RBFOX1: variants seen among roughly 807,000 people sequenced by gnomAD.
RBFOX1 encodes the protein RNA binding fox-1 homolog 1, also known as RNA binding protein fox-1 homolog 1.
RBFOX1 carries 8 observed loss-of-function variants against 57.7 expected under a neutral mutation model. That is an observed-to-expected ratio of 0.14 (90% CI 0.08 to 0.25). The LOEUF (loss-of-function observed/expected upper bound fraction) is 0.25. Among genes scored for constraint, RBFOX1 ranks in the 10% least tolerant of loss-of-function variants. The pLI, the probability that RBFOX1 is intolerant of heterozygous loss-of-function variation, is 1.00. For missense variants in RBFOX1, 611 were observed against 548.5 expected (o/e 1.11, Z -1.14); for synonymous variants, 326 against 222.4 (o/e 1.47, Z -4.15).
At chr16:5,873,838 G>A (rs1240592462) in intron 4 of RBFOX1, among the ~76,000 whole-genome samples, 3 of 152,142 alleles carry the variant, frequency 2.0e-5, no homozygotes, top group Admixed American at 2.0e-4. Flanking sequence ...CTCAGAGGAG[G>A]TAGTATGCAG....
In RBFOX1 at chr16:7,710,863, AAT is replaced by A; in HGVS notation, c.*120_*121del. The A allele has an allele frequency of 2.9e-6, 3 of 1,035,966 alleles. No individual in the cohort carries two copies. The highest frequency in any genetic ancestry group is 3.8e-6 in the Non-Finnish European group (3 of 787,520). 64.2% of individuals were successfully genotyped at this position (1,035,966 alleles called of 1,614,324 possible). A position where few individuals can be genotyped will look rare whatever the true frequency, so the allele number is the denominator to read the frequency against. ...CAACTCTAAAAAAAAAAAAAATACA[AAT>A]AAAAAGGAAAAAAAATTACATTTTT... is the stretch of plus-strand genomic sequence containing the variant. On this transcript the variant is annotated 3_prime_UTR_variant, in exon 16 of 16. Transcript: ENST00000550418.
chr16:7,682,654 C>T (rs1252122454), intron 14 of RBFOX1, among the ~76,000 whole-genome samples: 6 of 150,922 alleles, frequency 4.0e-5, no homozygotes, highest in Non-Finnish European at 1.5e-5. Context: ...AAGAATGTAG[C>T]AGAAATGAGT....
intron 3 of RBFOX1, among the ~76,000 whole-genome samples, chr16:6,856,910 A>T (rs928365757): frequency 3.9e-5 from 6 of 152,122 alleles, no homozygotes; most frequent in African/African-American, 1.4e-4. Flanking sequence ...AAGGGAAAAG[A>T]AAGAAAGAGA....
intron 3 of RBFOX1, among the ~76,000 whole-genome samples, chr16:6,739,760 T>C (rs2071486942): frequency 1.3e-5 from 2 of 151,886 alleles, no homozygotes; most frequent in Admixed American, 1.3e-4. Context: ...GCCTGTAGTC[T>C]CGGCTCCTCG....
intron 5 of RBFOX1, among the ~76,000 whole-genome samples, chr16:7,540,610 G>A (rs773119566): frequency 3.3e-5 from 5 of 152,208 alleles, no homozygotes; most frequent in Admixed American, 6.5e-5. Flanking sequence ...CTCTATGGTT[G>A]TTGTCATGGA....
At chr16:6,180,070 A>G (rs2097050494) in intron 1 of RBFOX1, among the ~76,000 whole-genome samples, 3 of 152,140 alleles carry the variant, frequency 2.0e-5, no homozygotes, top group South Asian at 2.1e-4. Flanking sequence ...TTGCATCTAT[A>G]TTTATAAAAT....
intron 5 of RBFOX1, among the ~76,000 whole-genome samples, chr16:7,550,909 C>T (rs553897899): frequency 3.9e-5 from 6 of 152,030 alleles, no homozygotes; most frequent in Middle Eastern, 3.4e-3. Context: ...GCCTGGCCAA[C>T]ATGGTGAAAC....
intron 4 of RBFOX1, among the ~76,000 whole-genome samples, chr16:7,337,415 G>A (rs73563873): frequency 0.032 from 4,927 of 152,272 alleles, 212 homozygotes; most frequent in African/African-American, 0.099. Context: ...GACTTGTTTA[G>A]TAGAGCAGAG....
intron 5 of RBFOX1, among the ~76,000 whole-genome samples, chr16:7,567,858 T>TATATATACCTATATATATCCCC: frequency 7.3e-6 from 1 of 137,862 alleles, no homozygotes; most frequent in African/African-American, 2.7e-5. Flanking sequence ...TATATATCCA[T>TATATATACCTATATATATCCCC]ATATATACCT....
intron 3 of RBFOX1, among the ~76,000 whole-genome samples, chr16:6,815,526 C>T (rs1220916302): frequency 2.6e-5 from 4 of 152,166 alleles, no homozygotes; most frequent in Admixed American, 2.6e-4. Context: ...ACTCCAGCAT[C>T]CCCTACGCCA....
intron 1 of RBFOX1, among the ~76,000 whole-genome samples, chr16:6,240,861 C>T (rs567250949): frequency 6.6e-6 from 1 of 152,060 alleles, no homozygotes; most frequent in African/African-American, 2.4e-5. Flanking sequence ...GCAGTTTTCC[C>T]TTTTTCAATT....
At chr16:5,301,368 C>G (rs1025015322) in intron 1 of RBFOX1, among the ~76,000 whole-genome samples, 4 of 152,072 alleles carry the variant, frequency 2.6e-5, no homozygotes, top group Non-Finnish European at 4.4e-5. Flanking sequence ...GCCTGTAATA[C>G]CAGCCCTTTG....
At chr16:5,935,040 C>T (rs751948876) in intron 4 of RBFOX1, among the ~76,000 whole-genome samples, 3 of 152,218 alleles carry the variant, frequency 2.0e-5, no homozygotes, top group Non-Finnish European at 2.9e-5. Flanking sequence ...CATGATTAAA[C>T]AAGTGTCTAC....
intron 1 of RBFOX1, among the ~76,000 whole-genome samples, chr16:5,327,243 C>T (rs368292261): frequency 1.5e-4 from 23 of 152,220 alleles, no homozygotes; most frequent in African/African-American, 5.3e-4. Context: ...TGGCCAGACC[C>T]TGCACCAATC....
At chr16:6,021,056 T>C (rs9922689) in intron 1 of RBFOX1, among the ~76,000 whole-genome samples, 8,669 of 152,204 alleles carry the variant, frequency 0.057, 533 homozygotes, top group African/African-American at 0.15. Flanking sequence ...AGCTTGGAAA[T>C]CCTGGTCAGG....
At chr16:5,497,135 G>A (rs945612101) in intron 2 of RBFOX1, among the ~76,000 whole-genome samples, 2 of 152,184 alleles carry the variant, frequency 1.3e-5, no homozygotes, top group Admixed American at 1.3e-4. Flanking sequence ...TATAAACGAA[G>A]TTTGAATTGA....
At chr16:7,427,207 A>G (rs2098629153) in intron 4 of RBFOX1, among the ~76,000 whole-genome samples, 1 of 152,212 alleles carries the variant, frequency 6.6e-6, no homozygotes, top group African/African-American at 2.4e-5. Context: ...TGGCACATGT[A>G]TACATATGTA....
chr16:6,450,160 T>C (rs2094560701), intron 2 of RBFOX1, among the ~76,000 whole-genome samples: 1 of 152,182 alleles, frequency 6.6e-6, no homozygotes, highest in African/African-American at 2.4e-5. Flanking sequence ...CTTCCCTGTG[T>C]TTCAGAACAC....
chr16:7,187,544 C>G (rs866396614), intron 4 of RBFOX1, among the ~76,000 whole-genome samples: 1 of 151,190 alleles, frequency 6.6e-6, no homozygotes, highest in Non-Finnish European at 1.5e-5. Context: ...AAAAAATTAG[C>G]CAGGCGTGGT....
Sources: gnomAD v4.1 joint callset for allele counts (sites outside exome capture counted in the v4.1 genomes callset) on GRCh38, gnomAD v4.1.1 for gene constraint, MANE v1.5 for transcripts, NCBI Gene and HGNC (gene_info 2026-07-23, HGNC 2026-07-21) for gene names.